Variants in MDGA2 observed in about 807,000 individuals in gnomAD.
MDGA2 encodes the protein MAM domain-containing glycosylphosphatidylinositol anchor protein 2.
A neutral mutation model predicts 117.8 loss-of-function variants in MDGA2; 40 were observed. The ratio of observed to expected loss-of-function variants is 0.34; its 90% CI spans 0.26 to 0.44. The LOEUF is 0.44. Among genes scored for constraint, MDGA2 ranks in the 20% least tolerant of loss-of-function variants. MDGA2 has a pLI of 1.00. For synonymous variants in MDGA2, 452 were observed against 439.0 expected (o/e 1.03, Z -0.37); for missense variants, 1,123 against 1,250.6 (o/e 0.90, Z 1.54).
chr14:47,125,364 C>T (rs911821865), intron 5 of MDGA2, among the ~76,000 whole-genome samples: 1 of 151,978 alleles, frequency 6.6e-6, no homozygotes, highest in African/African-American at 2.4e-5. Context: ...AGTTAAATTC[C>T]TCTAAACATG....
rs76688163 is a variant in MDGA2 at position 47,563,102 on chromosome 14, T to C, written c.280+111415A>G. 5.9e-5 allele frequency among the ~76,000 whole-genome samples: 9 copies of C among 152,234 alleles called. No homozygotes were observed. The East Asian group carries it at 1.7e-3, about 29-fold the overall frequency. ...TTGCATTGTGGTCTGAAAGCATGGT[T>C]GGTATGATTTCATTTTTTTAAAAAA... On this transcript the variant is annotated intron_variant, in intron 1 of 16. Transcript: ENST00000399232.
chr14:47,052,365 T>A (rs574941320), intron 7 of MDGA2, among the ~76,000 whole-genome samples: 1 of 152,006 alleles, frequency 6.6e-6, no homozygotes, highest in Non-Finnish European at 1.5e-5. Context: ...CATGGGACAG[T>A]AATTAGACAA....
rs66784813 is a variant in MDGA2 at position 47,298,683 on chromosome 14, C to CTTT, written c.420+2725_420+2727dup. Among the ~76,000 whole-genome samples the CTTT allele has an allele frequency of 2.7e-3, 344 of 126,086 alleles. 3 individuals carry two copies. Among genetic ancestry groups the CTTT allele is most frequent in the South Asian group, 5.2e-3 (19 of 3,638 alleles). The allele number at this position is 126,086 out of a possible 152,430, so 82.7% of individuals were successfully genotyped here. A position where few individuals can be genotyped will look rare whatever the true frequency, so the allele number is the denominator to read the frequency against. On this transcript the variant is annotated intron_variant, in intron 2 of 16. Coordinates refer to ENST00000399232, the MANE Select transcript of MDGA2 (RefSeq NM_001113498.3). The stretch of plus-strand genomic sequence containing the variant: ...CAATGAAGAGGCCCACTTAATTTTT[C>CTTT]TTTTTTTTTTTTTTTTTTTGAGACA...
chr14:47,193,624 A>G (rs1209406819), intron 3 of MDGA2, among the ~76,000 whole-genome samples: 1 of 152,214 alleles, frequency 6.6e-6, no homozygotes, highest in Non-Finnish European at 1.5e-5. Context: ...GGCTTAGCAC[A>G]CTAGCTTTCT....
chr14:47,162,235 G>A (rs375752356), intron 3 of MDGA2, among the ~76,000 whole-genome samples: 6 of 151,928 alleles, frequency 3.9e-5, no homozygotes, highest in African/African-American at 9.7e-5. Context: ...ATAAGCCACC[G>A]AGCCCGGCCA....
intron 2 of MDGA2, 96 bp downstream of exon 2, chr14:47,301,312 CACA>C: frequency 7.6e-7 from 1 of 1,324,464 alleles, no homozygotes; most frequent in Non-Finnish European, 1.0e-6. Flanking sequence ...CACACACACA[CACA>C]CACACAGTTT....
At chr14:47,087,033 A>T (rs1388552652) in intron 6 of MDGA2, among the ~76,000 whole-genome samples, 3 of 152,190 alleles carry the variant, frequency 2.0e-5, no homozygotes, top group Non-Finnish European at 4.4e-5. Flanking sequence ...TTAAAGCATC[A>T]CTTGCATTTA....
intron 1 of MDGA2, among the ~76,000 whole-genome samples, chr14:47,529,506 T>C (rs899918147): frequency 6.6e-6 from 1 of 152,130 alleles, no homozygotes; most frequent in Non-Finnish European, 1.5e-5. Context: ...TATATACTTT[T>C]AGTTATTTTA....
intron 1 of MDGA2, among the ~76,000 whole-genome samples, chr14:47,546,730 A>G (rs1895470460): frequency 6.6e-6 from 1 of 152,166 alleles, no homozygotes; most frequent in Non-Finnish European, 1.5e-5. Context: ...GGAGCTCCAG[A>G]AACAGGGGCT....
At chr14:47,404,711 C>T (rs1178791581) in intron 1 of MDGA2, among the ~76,000 whole-genome samples, 1 of 152,068 alleles carries the variant, frequency 6.6e-6, no homozygotes, top group Non-Finnish European at 1.5e-5. Flanking sequence ...TCAGGTTGGT[C>T]TCAAACTCCT....
At chr14:47,063,042 T>C (rs1889949540) in intron 6 of MDGA2, among the ~76,000 whole-genome samples, 2 of 152,016 alleles carry the variant, frequency 1.3e-5, no homozygotes, top group Non-Finnish European at 2.9e-5. Flanking sequence ...GACATAACCA[T>C]GGCCCTCATG....
intron 1 of MDGA2, among the ~76,000 whole-genome samples, chr14:47,348,309 T>C (rs1250323251): frequency 6.6e-6 from 1 of 151,812 alleles, no homozygotes. Context: ...CCTCCCAGGT[T>C]CAAGCGATTC....
At chr14:47,671,604 ATTAC>A (rs1398321906) in intron 1 of MDGA2, among the ~76,000 whole-genome samples, 4 of 152,240 alleles carry the variant, frequency 2.6e-5, no homozygotes, top group Non-Finnish European at 5.9e-5. Context: ...ATTGAGAAAT[ATTAC>A]TTTGTGTGTA....
chr14:47,533,545 G>A (rs1432063018), intron 1 of MDGA2, among the ~76,000 whole-genome samples: 1 of 152,150 alleles, frequency 6.6e-6, no homozygotes, highest in Non-Finnish European at 1.5e-5. Context: ...CTTTCCACAC[G>A]TATTGTCTGC....
chr14:47,057,158 G>A (rs1190275875), intron 7 of MDGA2, among the ~76,000 whole-genome samples: 2 of 151,936 alleles, frequency 1.3e-5, no homozygotes, highest in Non-Finnish European at 2.9e-5. Flanking sequence ...TCTATACTCT[G>A]CCAAATATAT....
At chr14:47,647,394 T>C (rs1312981295) in intron 1 of MDGA2, among the ~76,000 whole-genome samples, 3 of 151,862 alleles carry the variant, frequency 2.0e-5, no homozygotes, top group South Asian at 2.1e-4. Context: ...TTCCTTATAA[T>C]AGTAGGCATT....
chr14:47,338,924 G>T (rs1017743786), intron 1 of MDGA2, among the ~76,000 whole-genome samples: 2 of 151,950 alleles, frequency 1.3e-5, no homozygotes, highest in Admixed American at 1.3e-4. Context: ...CTTTCTAACT[G>T]GCTCACAAAA....
chr14:46,900,460 T>A (rs980119241), intron 10 of MDGA2, among the ~76,000 whole-genome samples: 1 of 152,126 alleles, frequency 6.6e-6, no homozygotes, highest in Non-Finnish European at 1.5e-5. Context: ...ACAACCCAAA[T>A]GTATTTTAAA....
intron 1 of MDGA2, among the ~76,000 whole-genome samples, chr14:47,396,004 A>G (rs533549035): frequency 1.3e-5 from 2 of 152,290 alleles, no homozygotes; most frequent in East Asian, 1.9e-4. Context: ...CTGACTAGCA[A>G]GAGAATCTAT....
Sources: allele counts gnomAD v4.1 joint callset (sites outside exome capture counted in the v4.1 genomes callset), GRCh38; gene constraint gnomAD v4.1.1; transcripts MANE v1.5; gene names NCBI Gene and HGNC (gene_info 2026-07-23, HGNC 2026-07-21).